Variants in CMIP observed in about 807,000 individuals in gnomAD.
The protein encoded by CMIP is c-Maf inducing protein, also known as C-Maf-inducing protein.
CMIP carries 13 observed loss-of-function variants against 97.3 expected under a neutral mutation model. That is an observed-to-expected ratio of 0.13 (90% CI 0.09 to 0.21). The LOEUF is 0.21. CMIP is among the 10% of genes least tolerant of loss of function. The probability of loss-of-function intolerance (pLI) is 1.00; values close to 1 mark genes in which losing one functional copy is unlikely to be tolerated. For missense variants in CMIP, 847 were observed against 1,024.9 expected, an observed-to-expected ratio of 0.83 and a Z score of 2.37; for synonymous variants, 538 against 436.3, an observed-to-expected ratio of 1.23 and a Z score of -2.91.
In CMIP at chr16:81,711,526, G is replaced by C. The variant is rs925707461; in HGVS notation, c.*1727G>C. On this transcript the variant is annotated 3_prime_UTR_variant, in exon 21 of 21. Coordinates refer to ENST00000537098, the MANE Select transcript of CMIP (RefSeq NM_198390.3). ...GGTTTTCTTTTCTTTCCCCCCTCCG[G>C]TCCCATACTTCACAGCACTCTGGTG... 6.8e-6 allele frequency: 1 copy of C among 146,994 alleles called. No individual in the cohort carries two copies. The highest frequency in any genetic ancestry group is 2.5e-5 in the African/African-American group (1 of 39,522). The allele number at this position is 146,994 out of a possible 1,614,324, so 9.1% of individuals were successfully genotyped here. A position where few individuals can be genotyped will look rare whatever the true frequency, so the allele number is the denominator to read the frequency against.
At chr16:81,693,055 A>G in intron 11 of CMIP, 103 bp from the exon 12 acceptor site, 4 of 800,482 alleles carry the variant, frequency 5.0e-6, no homozygotes, top group South Asian at 4.8e-5. Context: ...CATTCTTTGA[A>G]TCAGACATAA....
intron 1 of CMIP, among the ~76,000 whole-genome samples, chr16:81,547,483 C>T (rs1467887685): frequency 6.6e-6 from 1 of 152,164 alleles, no homozygotes; most frequent in Non-Finnish European, 1.5e-5. Context: ...CAGTGACAAC[C>T]AGTTCAGAGG....
intron 3 of CMIP, among the ~76,000 whole-genome samples, chr16:81,626,753 GTGTGTGT>G (rs1406172947): frequency 1.3e-4 from 19 of 147,224 alleles, no homozygotes; most frequent in African/African-American, 4.8e-4. Context: ...GGGTGTGGGT[GTGTGTGT>G]GGTGTGTGGA....
At chr16:81,484,646 C>G (rs529108178) in intron 1 of CMIP, among the ~76,000 whole-genome samples, 71 of 152,212 alleles carry the variant, frequency 4.7e-4, no homozygotes, top group African/African-American at 1.7e-3. Flanking sequence ...TGCGCACAGA[C>G]CCGGCTAGTT....
At chr16:81,487,167 CG>C (rs35757295) in intron 1 of CMIP, among the ~76,000 whole-genome samples, 27,243 of 144,812 alleles carry the variant, frequency 0.19, 2,563 homozygotes, top group Admixed American at 0.24. Context: ...TCTAGTGAAC[CG>C]GGGGGGGTGT....
intron 1 of CMIP, among the ~76,000 whole-genome samples, chr16:81,560,064 C>G (rs1285668923): frequency 1.3e-5 from 2 of 150,924 alleles, no homozygotes; most frequent in African/African-American, 4.9e-5. Context: ...AGGAGAATCG[C>G]TTCAACTGGG....
intron 1 of CMIP, among the ~76,000 whole-genome samples, chr16:81,531,492 C>G (rs1343274986): frequency 6.6e-6 from 1 of 152,212 alleles, no homozygotes; most frequent in South Asian, 2.1e-4. Context: ...AGTCTCGATT[C>G]TACGACCCTA....
chr16:81,516,246 T>G (rs897169888), intron 1 of CMIP, among the ~76,000 whole-genome samples: 3 of 152,196 alleles, frequency 2.0e-5, no homozygotes, highest in Admixed American at 6.5e-5. Flanking sequence ...TCCAGTCACT[T>G]GACTTCAGCA....
At chr16:81,542,062 G>A (rs995010807) in intron 1 of CMIP, among the ~76,000 whole-genome samples, 47 of 152,236 alleles carry the variant, frequency 3.1e-4, no homozygotes, top group African/African-American at 1.1e-3. Context: ...GCCCCACCCT[G>A]GGTCGATGGA....
Position 81,652,798 on chromosome 16 carries a change from C to T in CMIP, c.639+434C>T, listed in dbSNP as rs193113617. 2.6e-5 allele frequency among the ~76,000 whole-genome samples: 4 copies of T among 152,166 alleles called. No homozygotes were observed. Among genetic ancestry groups the T allele is most frequent in the Non-Finnish European group, 2.9e-5 (2 of 68,036 alleles). On this transcript the variant is annotated intron_variant, in intron 4 of 20. Coordinates refer to ENST00000537098, the MANE Select transcript of CMIP (RefSeq NM_198390.3). The surrounding 1 kb of genome is among the most constrained non-coding windows in gnomAD (Gnocchi z 5.2). ...ACAGTACAGTGGGAATTTCCAGGTTCTCTTTAAAAACAATCAGAAAATCCA... is the reference window on the plus strand; with the variant it reads ...ACAGTACAGTGGGAATTTCCAGGTTTTCTTTAAAAACAATCAGAAAATCCA...
At chr16:81,596,109 C>G (rs1342984980) in intron 1 of CMIP, among the ~76,000 whole-genome samples, 1 of 152,134 alleles carries the variant, frequency 6.6e-6, no homozygotes, top group Non-Finnish European at 1.5e-5. Context: ...TATAATCTCA[C>G]TTTTACCAGG....
chr16:81,650,977 C>A (rs2092421710), intron 3 of CMIP, among the ~76,000 whole-genome samples: 1 of 152,182 alleles, frequency 6.6e-6, no homozygotes, highest in East Asian at 1.9e-4. Context: ...CGGTGGGTCC[C>A]TTGACCACTT....
At chr16:81,562,637 A>G (rs1320387956) in intron 1 of CMIP, among the ~76,000 whole-genome samples, 2 of 152,294 alleles carry the variant, frequency 1.3e-5, no homozygotes, top group South Asian at 2.1e-4. Flanking sequence ...ATGGCCCCAG[A>G]TGGGTGCATT....
At chr16:81,597,597 G>GC (rs1405692903) in intron 1 of CMIP, among the ~76,000 whole-genome samples, 4 of 147,308 alleles carry the variant, frequency 2.7e-5, no homozygotes, top group Non-Finnish European at 4.5e-5. Flanking sequence ...GGGGAGCGGG[G>GC]GGGGGGGAGT....
At chr16:81,637,646 G>T (rs139377399) in intron 3 of CMIP, among the ~76,000 whole-genome samples, 193 of 152,176 alleles carry the variant, frequency 1.3e-3, no homozygotes, top group African/African-American at 4.4e-3. Flanking sequence ...ACACATCTGC[G>T]AGCAAAAACA....
chr16:81,558,285 C>T (rs776826531), intron 1 of CMIP, among the ~76,000 whole-genome samples: 4 of 152,200 alleles, frequency 2.6e-5, no homozygotes, highest in Non-Finnish European at 4.4e-5. Flanking sequence ...CATCAGCAGA[C>T]ACGAGGCTGC....
At chr16:81,648,231 GGCCAGA>G (rs1383566607) in intron 3 of CMIP, among the ~76,000 whole-genome samples, 3 of 151,756 alleles carry the variant, frequency 2.0e-5, no homozygotes, top group Non-Finnish European at 4.4e-5. Context: ...GCTTTGCAGT[GGCCAGA>G]GCCAGTTTTC....
intron 3 of CMIP, among the ~76,000 whole-genome samples, chr16:81,636,447 G>A (rs904801491): frequency 6.6e-6 from 1 of 152,008 alleles, no homozygotes; most frequent in Non-Finnish European, 1.5e-5. Context: ...TAGGCGTGGT[G>A]GCAGGCGCCC....
At chr16:81,451,836 G>A (rs1017474648) in intron 1 of CMIP, among the ~76,000 whole-genome samples, 2 of 152,146 alleles carry the variant, frequency 1.3e-5, no homozygotes, top group African/African-American at 2.4e-5. Flanking sequence ...TGGAAGCCAG[G>A]CCACCCAGCC....
Sources: allele counts gnomAD v4.1 joint callset (sites outside exome capture counted in the v4.1 genomes callset), GRCh38; gene constraint gnomAD v4.1.1; non-coding constraint Gnocchi (gnomAD v3.1); transcripts MANE v1.5; gene names NCBI Gene and HGNC (gene_info 2026-07-23, HGNC 2026-07-21).